CCDC148: variants seen among roughly 807,000 people sequenced by gnomAD.
CCDC148 encodes the protein coiled-coil domain containing 148.
Under a neutral mutation model 85.7 loss-of-function variants are expected in CCDC148, and 89 were observed. That is an observed-to-expected ratio of 1.04 (90% CI 0.87 to 1.24). The LOEUF (loss-of-function observed/expected upper bound fraction) is 1.24, where lower values mean the gene tolerates loss of function less well. Ranked by LOEUF, CCDC148 falls within the 50% of genes most tolerant of loss-of-function variation. The pLI is 0.00. For missense variants in CCDC148, 692 were observed against 671.7 expected, an observed-to-expected ratio of 1.03 and a Z score of -0.33; for synonymous variants, 230 against 213.9, an observed-to-expected ratio of 1.08 and a Z score of -0.66.
intron 9 of CCDC148, among the ~76,000 whole-genome samples, chr2:158,260,566 C>A (rs775932130): frequency 2.0e-5 from 3 of 151,934 alleles, no homozygotes; most frequent in Non-Finnish European, 4.4e-5. Context: ...GAGAGGAAGT[C>A]GAATTACCCC....
At chr2:158,352,340 A>C (rs1009856749) in intron 2 of CCDC148, among the ~76,000 whole-genome samples, 1 of 152,136 alleles carries the variant, frequency 6.6e-6, no homozygotes, top group Non-Finnish European at 1.5e-5. Context: ...AAAATTTAGA[A>C]GAATGTATAA....
Position 158,411,849 on chromosome 2 carries a change from C to G in CCDC148, c.25+44566G>C, listed in dbSNP as rs1686273414. 3.3e-5 allele frequency among the ~76,000 whole-genome samples: 5 copies of G among 152,252 alleles called. No individual in the cohort carries two copies. The South Asian group carries it at 1.0e-3, about 32-fold the overall frequency. The stretch of plus-strand genomic sequence containing the variant: ...GGCTTTGGTGGGGAGAGACCTTCAC[C>G]TGCAAGTGTCTGTAAGGGTACTAGC... On this transcript the variant is annotated intron_variant, in intron 1 of 13. Transcript: ENST00000283233.
chr2:158,266,969 C>CAT (rs534190712), intron 9 of CCDC148, among the ~76,000 whole-genome samples: 8 of 146,922 alleles, frequency 5.4e-5, no homozygotes, highest in Non-Finnish European at 1.1e-4. Context: ...TATATATACA[C>CAT]ATATATATAT....
intron 9 of CCDC148, among the ~76,000 whole-genome samples, chr2:158,253,567 C>A (rs1170741878): frequency 6.6e-6 from 1 of 151,714 alleles, no homozygotes; most frequent in Non-Finnish European, 1.5e-5. Flanking sequence ...ACTTAGAGCA[C>A]AGTCCATGCA....
intron 9 of CCDC148, among the ~76,000 whole-genome samples, chr2:158,302,838 T>A (rs1211156381): frequency 6.6e-6 from 1 of 151,144 alleles, no homozygotes; most frequent in East Asian, 1.9e-4. Context: ...GGCATGCCGT[T>A]GAAAGACAAG....
intron 1 of CCDC148, among the ~76,000 whole-genome samples, chr2:158,400,420 C>A (rs1220186601): frequency 1.3e-5 from 2 of 152,134 alleles, no homozygotes; most frequent in African/African-American, 4.8e-5. Flanking sequence ...CTACAACCAT[C>A]TGATCTTTGA....
At chr2:158,294,139 T>C (rs988898311) in intron 9 of CCDC148, among the ~76,000 whole-genome samples, 4 of 151,724 alleles carry the variant, frequency 2.6e-5, no homozygotes, top group African/African-American at 9.7e-5. Flanking sequence ...GTTCCTATAG[T>C]TTTGTCTTGC....
At chr2:158,428,410 G>A (rs1426911960) in intron 1 of CCDC148, among the ~76,000 whole-genome samples, 1 of 152,072 alleles carries the variant, frequency 6.6e-6, no homozygotes, top group East Asian at 1.9e-4. Flanking sequence ...ATAATTCGTT[G>A]AAATATGAAA....
chr2:158,238,979 G>A (rs960489808), intron 10 of CCDC148, among the ~76,000 whole-genome samples: 1 of 152,120 alleles, frequency 6.6e-6, no homozygotes, highest in African/African-American at 2.4e-5. Context: ...ATGTTCATGT[G>A]ACTTTGGGGA....
intron 8 of CCDC148, 26 bp from the exon 9 acceptor site, chr2:158,309,665 C>A (rs778223692): frequency 6.8e-7 from 1 of 1,469,410 alleles, no homozygotes; most frequent in Non-Finnish European, 9.4e-7. Context: ...AGGGTGAATA[C>A]TTATCATTAT....
chr2:158,276,760 C>T (rs1226723692), intron 9 of CCDC148, among the ~76,000 whole-genome samples: 3 of 152,120 alleles, frequency 2.0e-5, no homozygotes, highest in African/African-American at 7.2e-5. Context: ...TTGATACGGT[C>T]CTTTATACAC....
At chr2:158,271,562 G>A (rs1400827998) in intron 9 of CCDC148, among the ~76,000 whole-genome samples, 2 of 152,096 alleles carry the variant, frequency 1.3e-5, no homozygotes, top group African/African-American at 4.8e-5. Flanking sequence ...GTAGAAAGGT[G>A]AGCACAGTAC....
intron 7 of CCDC148, among the ~76,000 whole-genome samples, chr2:158,334,925 T>C (rs992513392): frequency 6.6e-5 from 10 of 152,176 alleles, no homozygotes; most frequent in Non-Finnish European, 1.5e-4. Flanking sequence ...GAATATTTAA[T>C]ATAATTTTTC....
chr2:158,228,465 C>T (rs1221483959), intron 10 of CCDC148, among the ~76,000 whole-genome samples: 5 of 152,116 alleles, frequency 3.3e-5, no homozygotes, highest in Non-Finnish European at 7.3e-5. Flanking sequence ...TGGGTATACA[C>T]CCAAAGGATT....
chr2:158,416,576 G>A (rs575983459), intron 1 of CCDC148, among the ~76,000 whole-genome samples: 93 of 152,228 alleles, frequency 6.1e-4, no homozygotes, highest in African/African-American at 2.1e-3. Context: ...AGTGACCTTT[G>A]CTCCAGTTCC....
At chr2:158,207,819 T>C (rs1057496038) in intron 11 of CCDC148, among the ~76,000 whole-genome samples, 38 of 152,272 alleles carry the variant, frequency 2.5e-4, no homozygotes, top group African/African-American at 9.1e-4. Context: ...AGAACTGCAG[T>C]CAGTCAAGAT....
chr2:158,438,882 T>C (rs2105340401), intron 1 of CCDC148, among the ~76,000 whole-genome samples: 1 of 152,212 alleles, frequency 6.6e-6, no homozygotes, highest in South Asian at 2.1e-4. Flanking sequence ...AAAATGCTCA[T>C]CATCACTGGC....
At chr2:158,230,878 T>C (rs1457310420) in intron 10 of CCDC148, among the ~76,000 whole-genome samples, 4 of 152,140 alleles carry the variant, frequency 2.6e-5, no homozygotes, top group African/African-American at 4.8e-5. Flanking sequence ...CATGTGAAGA[T>C]TGCAGGAAAG....
chr2:158,322,050 G>A (rs1156850774), intron 7 of CCDC148, among the ~76,000 whole-genome samples: 1 of 152,106 alleles, frequency 6.6e-6, no homozygotes, highest in Non-Finnish European at 1.5e-5. Flanking sequence ...GTCTACTAAT[G>A]AAAACATAAA....
Sources: gnomAD v4.1 joint callset for allele counts (sites outside exome capture counted in the v4.1 genomes callset) on GRCh38, gnomAD v4.1.1 for gene constraint, MANE v1.5 for transcripts, NCBI Gene and HGNC (gene_info 2026-07-23, HGNC 2026-07-21) for gene names.